Variants in LHFPL6 observed in about 807,000 individuals in gnomAD.
The protein encoded by LHFPL6 is LHFPL tetraspan subfamily member 6.
Under a neutral mutation model 20.6 loss-of-function variants are expected in LHFPL6, and 9 were observed. That is an observed-to-expected ratio of 0.44 (90% CI 0.26 to 0.76). The LOEUF (loss-of-function observed/expected upper bound fraction) is 0.76, where lower values mean the gene tolerates loss of function less well. LHFPL6 is among the 30% of genes least tolerant of loss of function. The pLI is 0.20. For synonymous variants in LHFPL6, 105 were observed against 98.7 expected, an observed-to-expected ratio of 1.06 and a Z score of -0.38; for missense variants, 218 against 253.5, an observed-to-expected ratio of 0.86 and a Z score of 0.95.
chr13:39,519,623 A>G (rs562465056), intron 2 of LHFPL6, among the ~76,000 whole-genome samples: 1 of 152,316 alleles, frequency 6.6e-6, no homozygotes, highest in South Asian at 2.1e-4. Flanking sequence ...TTTTCTTTTA[A>G]GACAGCTAAA....
chr13:39,570,080 G>A (rs1871866309), intron 2 of LHFPL6, among the ~76,000 whole-genome samples: 1 of 152,066 alleles, frequency 6.6e-6, no homozygotes, highest in Non-Finnish European at 1.5e-5. Context: ...ATATGGGCAG[G>A]TTCTGACTCC....
At chr13:39,413,835 C>T (rs1871291055) in intron 2 of LHFPL6, among the ~76,000 whole-genome samples, 1 of 152,130 alleles carries the variant, frequency 6.6e-6, no homozygotes, top group African/African-American at 2.4e-5. Context: ...TTAATCACCA[C>T]CCCTTCCCAA....
intron 2 of LHFPL6, among the ~76,000 whole-genome samples, chr13:39,546,439 G>A (rs1347924996): frequency 6.6e-6 from 1 of 152,100 alleles, no homozygotes; most frequent in Non-Finnish European, 1.5e-5. Flanking sequence ...ATTTTAATTT[G>A]AGAACCAATA....
At chr13:39,523,416 A>C (rs1443129782) in intron 2 of LHFPL6, among the ~76,000 whole-genome samples, 1 of 152,152 alleles carries the variant, frequency 6.6e-6, no homozygotes, top group African/African-American at 2.4e-5. Context: ...AAAAATACAA[A>C]AAATTAACCG....
At chr13:39,409,323 G>A (rs192970720) in intron 2 of LHFPL6, among the ~76,000 whole-genome samples, 1 of 151,994 alleles carries the variant, frequency 6.6e-6, no homozygotes, top group Non-Finnish European at 1.5e-5. Context: ...GCGTGGTGAT[G>A]CATGCCTGTA....
chr13:39,373,749 T>C (rs981113720), intron 3 of LHFPL6, among the ~76,000 whole-genome samples: 1 of 152,164 alleles, frequency 6.6e-6, no homozygotes, highest in African/African-American at 2.4e-5. Flanking sequence ...AAAGTTTAAT[T>C]GGCAAGCAGC....
intron 2 of LHFPL6, among the ~76,000 whole-genome samples, chr13:39,568,540 C>T (rs1871802213): frequency 6.6e-6 from 1 of 152,176 alleles, no homozygotes; most frequent in Non-Finnish European, 1.5e-5. Context: ...CAAATAAAAT[C>T]ATTTCCAAAA....
intron 2 of LHFPL6, among the ~76,000 whole-genome samples, chr13:39,553,493 C>T (rs1871202887): frequency 6.6e-6 from 1 of 152,180 alleles, no homozygotes; most frequent in Non-Finnish European, 1.5e-5. Context: ...ATGAGGATCC[C>T]TTGAGCTCAG....
At chr13:39,562,447 C>CACATAT (rs1871534153) in intron 2 of LHFPL6, among the ~76,000 whole-genome samples, 1 of 68,562 alleles carries the variant, frequency 1.5e-5, no homozygotes, top group Non-Finnish European at 2.9e-5. Context: ...TACATATATA[C>CACATAT]ACATATATAC....
At chr13:39,356,707 CGAAA>C (rs1869736049) in intron 3 of LHFPL6, among the ~76,000 whole-genome samples, 1 of 152,140 alleles carries the variant, frequency 6.6e-6, no homozygotes, top group Admixed American at 6.5e-5. Flanking sequence ...CACAGAAATA[CGAAA>C]GACTCTCACA....
chr13:39,508,295 G>A (rs1225626299), intron 2 of LHFPL6, among the ~76,000 whole-genome samples: 2 of 152,112 alleles, frequency 1.3e-5, no homozygotes, highest in Non-Finnish European at 2.9e-5. Context: ...AAAGTGCTGG[G>A]ATTATAGGCA....
At chr13:39,584,819 C>T (rs1482186487) in intron 2 of LHFPL6, among the ~76,000 whole-genome samples, 2 of 152,058 alleles carry the variant, frequency 1.3e-5, no homozygotes, top group South Asian at 4.1e-4. Context: ...ATTGTAGTTC[C>T]CTTCTAGACA....
chr13:39,402,628 A>C (rs2138380295), intron 2 of LHFPL6, among the ~76,000 whole-genome samples: 3 of 152,368 alleles, frequency 2.0e-5, no homozygotes, highest in Admixed American at 2.0e-4. Context: ...AATACAGACC[A>C]GGATCACAGG....
At chr13:39,539,364 A>T (rs1870725522) in intron 2 of LHFPL6, among the ~76,000 whole-genome samples, 1 of 152,136 alleles carries the variant, frequency 6.6e-6, no homozygotes, top group African/African-American at 2.4e-5. Context: ...TATGAGCAGG[A>T]AATGGAACTC....
chr13:39,488,854 C>T (rs1294447663), intron 2 of LHFPL6, among the ~76,000 whole-genome samples: 2 of 146,886 alleles, frequency 1.4e-5, no homozygotes, highest in Non-Finnish European at 2.9e-5. Flanking sequence ...GTTATCAATA[C>T]ATCAATAACC....
chr13:39,390,727 G>T (rs929018736), intron 2 of LHFPL6, among the ~76,000 whole-genome samples: 2 of 152,150 alleles, frequency 1.3e-5, no homozygotes, highest in Non-Finnish European at 2.9e-5. Flanking sequence ...GGGTGCAGAG[G>T]CTCACACCTG....
At chr13:39,591,023 G>GTC (rs1218717092) in intron 2 of LHFPL6, among the ~76,000 whole-genome samples, 1 of 152,120 alleles carries the variant, frequency 6.6e-6, no homozygotes, top group Non-Finnish European at 1.5e-5. Context: ...ACTGAACCAG[G>GTC]TCAAAAATAA....
At chr13:39,375,657 T>C (rs1164837605) in intron 3 of LHFPL6, among the ~76,000 whole-genome samples, 2 of 143,448 alleles carry the variant, frequency 1.4e-5, no homozygotes, top group African/African-American at 3.0e-5. Flanking sequence ...TCCACTGCAC[T>C]CCAGCCTAGG....
intron 2 of LHFPL6, among the ~76,000 whole-genome samples, chr13:39,558,065 AC>A: frequency 6.6e-6 from 1 of 151,752 alleles, no homozygotes; most frequent in East Asian, 1.9e-4. Context: ...AGCCAATTAA[AC>A]CTCTCTTCAT....
Sources: allele counts gnomAD v4.1 joint callset (sites outside exome capture counted in the v4.1 genomes callset), GRCh38; gene constraint gnomAD v4.1.1; transcripts MANE v1.5; gene names NCBI Gene and HGNC (gene_info 2026-07-23, HGNC 2026-07-21).